CNTN4: variants seen among roughly 807,000 people sequenced by gnomAD.
CNTN4 encodes the protein contactin-4.
CNTN4 carries 77 observed loss-of-function variants against 122.5 expected under a neutral mutation model. The observed-to-expected ratio is 0.63, with a 90% CI of 0.52 to 0.76. The LOEUF (loss-of-function observed/expected upper bound fraction) is 0.76. CNTN4 is among the 30% of genes least tolerant of loss of function. The pLI, the probability that CNTN4 is intolerant of heterozygous loss-of-function variation, is 0.00. For missense variants in CNTN4, 1,256 were observed against 1,259.1 expected (o/e 1.00, Z 0.04); for synonymous variants, 512 against 447.0 (o/e 1.15, Z -1.83).
At chr3:2,897,679 T>C (rs2094130321) in intron 10 of CNTN4, among the ~76,000 whole-genome samples, 1 of 152,196 alleles carries the variant, frequency 6.6e-6, no homozygotes, top group Non-Finnish European at 1.5e-5. Flanking sequence ...TTATGCAACA[T>C]TTTAATATTT....
At chr3:3,026,397 AAT>A in intron 15 of CNTN4, 120 bp downstream of exon 15, 1 of 842,086 alleles carries the variant, frequency 1.2e-6, no homozygotes. Flanking sequence ...ACTCTTGGTT[AAT>A]TCCTGCTCCT....
At chr3:2,367,885 G>A (rs527622098) in intron 3 of CNTN4, among the ~76,000 whole-genome samples, 12 of 151,958 alleles carry the variant, frequency 7.9e-5, no homozygotes, top group Non-Finnish European at 1.8e-4. Flanking sequence ...GCCCTACTGA[G>A]TGTCATTAGA....
At chr3:2,636,352 G>T (rs2150078079) in intron 4 of CNTN4, among the ~76,000 whole-genome samples, 1 of 152,222 alleles carries the variant, frequency 6.6e-6, no homozygotes, top group South Asian at 2.1e-4. Flanking sequence ...CACTAATTAT[G>T]CTTATGTAAA....
In CNTN4 at chr3:2,459,877, T is replaced by A. The variant is rs574003346; in HGVS notation, c.-88-111539T>A. 5.3e-5 allele frequency among the ~76,000 whole-genome samples: 8 copies of A among 152,310 alleles called. No homozygotes were observed. In the East Asian group the frequency reaches 1.5e-3, roughly 29 times the overall value. ...AGCCAAGCATAGCAAATATATAGTT[T>A]AACTGTTGTCAGTCTTCTTCCCTTG... is the stretch of plus-strand genomic sequence containing the variant. On this transcript the variant is annotated intron_variant, in intron 3 of 24. Transcript: ENST00000418658.
intron 3 of CNTN4, chr3:2,362,362 G>T: frequency 3.2e-6 from 1 of 317,000 alleles, no homozygotes; most frequent in South Asian, 2.6e-5. Context: ...TGTGACTGGT[G>T]GGAATGAAAT....
intron 2 of CNTN4, among the ~76,000 whole-genome samples, chr3:2,299,812 G>C (rs1209289241): frequency 6.6e-6 from 1 of 151,898 alleles, no homozygotes; most frequent in African/African-American, 2.4e-5. Context: ...AGTTTTAATA[G>C]GAATCTCCCA....
At chr3:2,550,654 T>C (rs1041393250) in intron 3 of CNTN4, among the ~76,000 whole-genome samples, 2 of 152,216 alleles carry the variant, frequency 1.3e-5, no homozygotes, top group Non-Finnish European at 2.9e-5. Context: ...TCCACATGTA[T>C]GCTTATTGCA....
chr3:3,054,297 A>C (rs1245112767), intron 24 of CNTN4, among the ~76,000 whole-genome samples: 1 of 50,832 alleles, frequency 2.0e-5, no homozygotes, highest in Non-Finnish European at 6.8e-5. Context: ...TTAGAAAGTG[A>C]AAAGCATTGA....
At position 2,709,788 on chromosome 3, in the gene CNTN4, C is replaced by T. The variant is rs1559415013; in HGVS notation, c.56-26427C>T. Among the ~76,000 whole-genome samples, 2 of 152,002 alleles carry T rather than the reference C, an allele frequency of 1.3e-5. No individual in the cohort carries two copies. The highest frequency in any genetic ancestry group is 2.9e-5 in the Non-Finnish European group (2 of 68,010). On this transcript the variant is annotated intron_variant, in intron 4 of 24. Coordinates refer to ENST00000418658, the MANE Select transcript of CNTN4 (RefSeq NM_175607.3). The surrounding 1 kb of genome is among the most constrained non-coding windows in gnomAD (Gnocchi z 5.0). ...AATTAGCCAGGCGTGGTGGTGCACACCTGTAGTCCCAGCTACTTGGGAGGC... is the reference window on the plus strand; with the variant it reads ...AATTAGCCAGGCGTGGTGGTGCACATCTGTAGTCCCAGCTACTTGGGAGGC...
In CNTN4 at chr3:2,331,273, T is replaced by C. The variant is rs142677719; in HGVS notation, c.-144-7905T>C. Among the ~76,000 whole-genome samples, 381 of 152,298 alleles carry C rather than the reference T, an allele frequency of 2.5e-3. 2 individuals are homozygous for C. Among genetic ancestry groups the C allele is most frequent in the African/African-American group, 8.6e-3 (356 of 41,570 alleles). On this transcript the variant is annotated intron_variant, in intron 2 of 24. Transcript: ENST00000418658. ...ATTTTCCTTCTTTGTTTCTAGGATA[T>C]AGAGGCAGTTCAGGTAGTTTTTCAG...
intron 3 of CNTN4, among the ~76,000 whole-genome samples, chr3:2,355,459 A>C (rs1267340401): frequency 6.6e-6 from 1 of 152,210 alleles, no homozygotes; most frequent in African/African-American, 2.4e-5. Flanking sequence ...CCTGAAGGAT[A>C]CAGGGAATCT....
intron 12 of CNTN4, among the ~76,000 whole-genome samples, chr3:2,916,686 A>G (rs576553970): frequency 1.5e-5 from 2 of 134,302 alleles, no homozygotes; most frequent in South Asian, 5.1e-4. Context: ...CGCCATCGTC[A>G]TCATGGCCCG....
intron 3 of CNTN4, among the ~76,000 whole-genome samples, chr3:2,351,667 G>C (rs145956767): frequency 6.6e-6 from 1 of 152,228 alleles, no homozygotes; most frequent in East Asian, 1.9e-4. Context: ...TTTATTTCTG[G>C]AATTTCCCAT....
intron 2 of CNTN4, among the ~76,000 whole-genome samples, chr3:2,314,135 C>T (rs748317873): frequency 1.3e-5 from 2 of 151,818 alleles, no homozygotes; most frequent in African/African-American, 2.4e-5. Context: ...TATGAATTGA[C>T]TTAACAAGAG....
intron 3 of CNTN4, among the ~76,000 whole-genome samples, chr3:2,396,533 A>C (rs1391922125): frequency 6.6e-6 from 1 of 152,150 alleles, no homozygotes; most frequent in Non-Finnish European, 1.5e-5. Flanking sequence ...CACGAGCCAG[A>C]TCCTCATTGA....
chr3:2,639,695 A>C (rs1221094879), intron 4 of CNTN4, among the ~76,000 whole-genome samples: 3 of 152,196 alleles, frequency 2.0e-5, no homozygotes, highest in Non-Finnish European at 4.4e-5. Context: ...GTCTGAAATA[A>C]ATTTATTTGG....
intron 13 of CNTN4, among the ~76,000 whole-genome samples, chr3:2,940,670 T>A (rs970950649): frequency 6.6e-6 from 1 of 151,824 alleles, no homozygotes; most frequent in Non-Finnish European, 1.5e-5. Context: ...TTGTGGGAAA[T>A]GATGAGGAAC....
intron 4 of CNTN4, among the ~76,000 whole-genome samples, chr3:2,652,062 TC>T (rs2083388818): frequency 2.0e-5 from 3 of 151,600 alleles, no homozygotes; most frequent in Non-Finnish European, 4.4e-5. Flanking sequence ...GGTTCATGCA[TC>T]CAGTTCTAGC....
chr3:2,802,026 C>T (rs1345471392), intron 6 of CNTN4, among the ~76,000 whole-genome samples: 1 of 152,042 alleles, frequency 6.6e-6, no homozygotes, highest in Non-Finnish European at 1.5e-5. Context: ...GTTGCTGCTA[C>T]TATTATTATT....
Sources: allele counts gnomAD v4.1 joint callset (sites outside exome capture counted in the v4.1 genomes callset), GRCh38; gene constraint gnomAD v4.1.1; non-coding constraint Gnocchi (gnomAD v3.1); transcripts MANE v1.5; gene names NCBI Gene and HGNC (gene_info 2026-07-23, HGNC 2026-07-21).